PCID2: variants seen among roughly 807,000 people sequenced by gnomAD.
PCID2 encodes the protein PCI domain containing 2.
A neutral mutation model predicts 61.3 loss-of-function variants in PCID2; 41 were observed. The observed-to-expected ratio is 0.67, with a 90% confidence interval of 0.52 to 0.87. The LOEUF (loss-of-function observed/expected upper bound fraction) is 0.87, where lower values mean the gene tolerates loss of function less well. PCID2 is among the 40% of genes least tolerant of loss of function. PCID2 has a pLI of 0.00. For missense variants in PCID2, 392 were observed against 493.4 expected, an observed-to-expected ratio of 0.79 and a Z score of 1.95; for synonymous variants, 187 against 177.8, an observed-to-expected ratio of 1.05 and a Z score of -0.41.
chr13:113,207,985 T>C, intron 1 of PCID2: 1 of 1,561,780 alleles, frequency 6.4e-7, no homozygotes, highest in Non-Finnish European at 8.8e-7. Context: ...GTTGAATCTT[T>C]ACAAGTGTCC....
At chr13:113,200,328 A>G (rs550010554) in intron 2 of PCID2, 99 bp downstream of exon 2, 6 of 739,616 alleles carry the variant, frequency 8.1e-6, no homozygotes, top group African/African-American at 1.8e-5. Flanking sequence ...AAGAGTGACA[A>G]TATTAGTTTT....
Position 113,177,988 on chromosome 13 carries a change from G to A in PCID2, c.*210C>T, listed in dbSNP as rs2037259720. 2.3e-6 allele frequency: 1 copy of A among 431,942 alleles called. No individual in the cohort carries two copies. The highest frequency in any genetic ancestry group is 4.2e-6 in the Non-Finnish European group (1 of 237,924). 26.8% of individuals were successfully genotyped at this position (431,942 alleles called of 1,614,324 possible). On this transcript the variant is annotated 3_prime_UTR_variant, in exon 14 of 14. Coordinates refer to ENST00000337344, the MANE Select transcript of PCID2 (RefSeq NM_001127202.4). ...AGAACCAGCCGAGTCTGTGAAAAAGGAATTCCAGGTTTTCATCAGGCTGAA... is the reference window on the plus strand; with the variant it reads ...AGAACCAGCCGAGTCTGTGAAAAAGAAATTCCAGGTTTTCATCAGGCTGAA...
the PCID2 span, chr13:113,172,141 G>A: frequency 9.3e-6 from 15 of 1,607,046 alleles, no homozygotes; most frequent in Admixed American, 8.4e-5. Context: ...CAACACAACC[G>A]GAAGCGGGAT....
intron 7 of PCID2, chr13:113,186,053 G>C (rs1287728261): frequency 1.9e-5 from 3 of 155,112 alleles, no homozygotes; most frequent in Non-Finnish European, 4.3e-5. Context: ...AAAGAAAAAT[G>C]GAAAAATACT....
chr13:113,172,217 C>T, the PCID2 span: 2 of 1,426,536 alleles, frequency 1.4e-6, no homozygotes, highest in Admixed American at 1.9e-5. Context: ...GCCGTCACAG[C>T]CCCAGACCAC....
chr13:113,188,252 G>C (rs554125555), intron 7 of PCID2: 1 of 152,068 alleles, frequency 6.6e-6, no homozygotes, highest in African/African-American at 2.4e-5. Flanking sequence ...CAGTGGGAAA[G>C]TGCCATGGCA....
In PCID2 at chr13:113,178,007, G is replaced by A. The variant is rs1357308466; in HGVS notation, c.*191C>T. 1 of 467,276 alleles carries A rather than the reference G, an allele frequency of 2.1e-6. No individual in the cohort carries two copies. The highest frequency in any genetic ancestry group is 2.0e-5 in the African/African-American group (1 of 50,600). The allele number at this position is 467,276 out of a possible 1,614,324, so 28.9% of individuals were successfully genotyped here. A position where few individuals can be genotyped will look rare whatever the true frequency, so the allele number is the denominator to read the frequency against. ...AAAAAGGAATTCCAGGTTTTCATCAGGCTGAAATTAGTTACAAATGAAGGA... is the reference window on the plus strand; with the variant it reads ...AAAAAGGAATTCCAGGTTTTCATCAAGCTGAAATTAGTTACAAATGAAGGA... On this transcript the variant is annotated 3_prime_UTR_variant, in exon 14 of 14. Transcript: ENST00000337344.
At chr13:113,170,101 A>G in the PCID2 span, among the ~76,000 whole-genome samples, 7 of 152,196 alleles carry the variant, frequency 4.6e-5, no homozygotes, top group Admixed American at 4.6e-4. Flanking sequence ...GAAAACCATC[A>G]TTCCATAGAT....
intron 11 of PCID2, 29 bp from the exon 12 acceptor site, chr13:113,180,071 A>T: frequency 6.2e-7 from 1 of 1,613,636 alleles, no homozygotes; most frequent in Non-Finnish European, 8.5e-7. Context: ...CGTCAGAAGG[A>T]GGGTGAGTTT....
At chr13:113,168,837 TC>T in the PCID2 span, among the ~76,000 whole-genome samples, 2 of 152,154 alleles carry the variant, frequency 1.3e-5, no homozygotes, top group African/African-American at 4.8e-5. Context: ...CAGGTGATCC[TC>T]CCACCTCAGC....
the PCID2 span, chr13:113,171,748 C>T: frequency 6.2e-7 from 1 of 1,612,118 alleles, no homozygotes; most frequent in Non-Finnish European, 8.5e-7. This position sits in a 1 kb window ranked among gnomAD's most constrained non-coding sequence, Gnocchi z 5.1. Context: ...CCGTGTGCAC[C>T]CCTGAGAAAG....
chr13:113,171,175 G>A, the PCID2 span, among the ~76,000 whole-genome samples: 4 of 152,096 alleles, frequency 2.6e-5, no homozygotes, highest in African/African-American at 9.7e-5. The surrounding 1 kb of genome is among the most constrained non-coding windows in gnomAD (Gnocchi z 5.1). Flanking sequence ...GACCTGCCTC[G>A]GCCTCCCGAA....
chr13:113,183,957 G>A, intron 9 of PCID2: 1 of 985,296 alleles, frequency 1.0e-6, no homozygotes, highest in Non-Finnish European at 1.2e-6. Flanking sequence ...TGCGGGATGT[G>A]TAGGTCATGA....
chr13:113,197,925 G>C (rs540784155), intron 3 of PCID2, among the ~76,000 whole-genome samples: 1 of 152,318 alleles, frequency 6.6e-6, no homozygotes, highest in Admixed American at 6.5e-5. Context: ...CACGAAAAGG[G>C]TAAGTGAACA....
In PCID2 at chr13:113,208,603, T is replaced by C. The variant is rs1311250768; in HGVS notation, c.32A>G (p.Gln11Arg). The C allele has an allele frequency of 1.9e-6, 3 of 1,608,034 alleles. No homozygotes were observed. Among genetic ancestry groups the C allele is most frequent in the Non-Finnish European group, 2.5e-6 (3 of 1,177,828 alleles). The stretch of plus-strand genomic sequence containing the variant: ...CGCTCCCCGGCTAGGACCCACCTGC[T>C]GCAGGTACTGGTTAATGGTAATGTG... MAHITINQYL[Q>R]QVYEAIDSRD... The change falls in exon 1 of 14, where the codon CAG becomes CGG. Residue 11 changes from glutamine to arginine, a missense_variant. By Grantham distance (43) the Gln-to-Arg change is conservative. Around this residue, in one of 3 missense-constraint regions of PCID2, gnomAD observed 155 missense variants for 164.9 expected, o/e 0.94. Coordinates refer to ENST00000337344, the MANE Select transcript of PCID2 (RefSeq NM_001127202.4).
At chr13:113,203,319 C>T (rs370316579) in intron 1 of PCID2, among the ~76,000 whole-genome samples, 13 of 152,226 alleles carry the variant, frequency 8.5e-5, no homozygotes, top group African/African-American at 3.1e-4. Context: ...TGCTGCTCAA[C>T]GTCACATCAT....
chr13:113,194,845 C>G (rs1259737149), intron 6 of PCID2, among the ~76,000 whole-genome samples: 1 of 152,156 alleles, frequency 6.6e-6, no homozygotes, highest in Non-Finnish European at 1.5e-5. Flanking sequence ...CAAAATGGAA[C>G]CTCTCCCTCT....
At chr13:113,165,088 C>T in the PCID2 span, 187 of 1,612,702 alleles carry the variant, frequency 1.2e-4, no homozygotes, top group Non-Finnish European at 1.5e-4. Flanking sequence ...CTCTGAGAAG[C>T]GTGCACCGGA....
Position 113,178,980 on chromosome 13 carries a change from T to C in PCID2, c.1096A>G (p.Asn366Asp), listed in dbSNP as rs1031773894. The C allele has an allele frequency of 2.2e-5, 36 of 1,613,106 alleles. No homozygotes were observed. The highest frequency in any genetic ancestry group is 3.1e-5 in the Non-Finnish European group (36 of 1,179,700). Residue 366 changes from asparagine (N) to aspartate (D), a missense_variant, in exon 13 of 14, where the codon AAC (asparagine) becomes GAC (aspartate). Transcript: ENST00000337344. ...DIDEVQCILA[N>D]LIYMGHVKGY... ...GACTCACACACCATGTATATCAAGT[T>C]AGCCAGAATACACTGAACTTCGTCA...
Sources: gnomAD v4.1 joint callset for allele counts (sites outside exome capture counted in the v4.1 genomes callset) on GRCh38, gnomAD v4.1.1 for gene constraint, gnomAD v4.1.1 regional missense constraint, Gnocchi (gnomAD v3.1) non-coding constraint, MANE v1.5 for transcripts, NCBI Gene and HGNC (gene_info 2026-07-23, HGNC 2026-07-21) for gene names.